The following RUBCN variants were observed in gnomAD, a reference collection of about 807,000 sequenced individuals.
RUBCN encodes the protein run domain Beclin-1-interacting and cysteine-rich domain-containing protein.
Under a neutral mutation model 113.2 loss-of-function variants are expected in RUBCN, and 74 were observed. That is an observed-to-expected ratio of 0.65 (90% CI 0.54 to 0.79). The LOEUF (loss-of-function observed/expected upper bound fraction) is 0.79, where lower values mean the gene tolerates loss of function less well. Among genes scored for constraint, RUBCN ranks in the 30% least tolerant of loss-of-function variants. The pLI is 0.00. For synonymous variants in RUBCN, 480 were observed against 490.0 expected (o/e 0.98, Z 0.27); for missense variants, 1,109 against 1,251.7 (o/e 0.89, Z 1.72).
intron 11 of RUBCN, among the ~76,000 whole-genome samples, chr3:197,684,516 C>A (rs781252913): frequency 2.0e-4 from 30 of 152,010 alleles, no homozygotes; most frequent in Non-Finnish European, 3.8e-4. Context: ...AGACGAGCAT[C>A]CTAAGGCACA....
chr3:197,730,280 CT>C (rs1312713963), intron 1 of RUBCN, among the ~76,000 whole-genome samples: 3 of 152,158 alleles, frequency 2.0e-5, no homozygotes, highest in Non-Finnish European at 4.4e-5. Flanking sequence ...GGGCACATAA[CT>C]TAGGCCTGAC....
chr3:197,749,505 A>T (rs1165109125), exon 1 of RUBCN: 1 of 1,287,268 alleles, frequency 7.8e-7, no homozygotes, highest in African/African-American at 1.5e-5. Flanking sequence ...TGCAATCTAC[A>T]CTCGCAGGGG....
At chr3:197,686,687 G>A (rs998106409) in intron 11 of RUBCN, among the ~76,000 whole-genome samples, 4 of 152,214 alleles carry the variant, frequency 2.6e-5, no homozygotes, top group Non-Finnish European at 4.4e-5. Context: ...TGGATTCAAC[G>A]TGTCCCAAGT....
chr3:197,676,713 T>C (rs1720473153), intron 18 of RUBCN, 172 bp downstream of exon 18: 1 of 1,473,898 alleles, frequency 6.8e-7, no homozygotes, highest in African/African-American at 1.4e-5. Flanking sequence ...TAGATCAGGA[T>C]GATTTGGCTG....
In RUBCN at chr3:197,703,432, A is replaced by G. The variant is rs9840032; in HGVS notation, c.570+116T>C. The G allele has an allele frequency of 7.6e-4, 333 of 440,080 alleles. 4 individuals carry two copies. The highest frequency in any genetic ancestry group is 7.6e-3 in the African/African-American group (307 of 40,608). 27.3% of individuals were successfully genotyped at this position (440,080 alleles called of 1,614,324 possible). On this transcript the variant is annotated intron_variant, in intron 5 of 19. Transcript: ENST00000296343. ...AAAAAAAAAAAAAAAAAAAAAAAAAATGCAAGCCTTTCAGCTCACAAAAAT... is the reference window on the plus strand; with the variant it reads ...AAAAAAAAAAAAAAAAAAAAAAAAAGTGCAAGCCTTTCAGCTCACAAAAAT...
At position 197,675,234 on chromosome 3, in the gene RUBCN, A is replaced by G. The variant is rs766537672; in HGVS notation, c.2741-38T>C. On this transcript the variant is annotated intron_variant, in intron 19 of 19. Coordinates refer to ENST00000296343, the MANE Select transcript of RUBCN (RefSeq NM_014687.4). This position sits in a 1 kb window ranked among gnomAD's most constrained non-coding sequence, Gnocchi z 4.4. ...GGAAGGTGGGGGAGAGAAGAAAACA[A>G]TTTGTATTATCTCCAGCTAGAGGTC... is the stretch of plus-strand genomic sequence containing the variant. The G allele has an allele frequency of 2.5e-6, 4 of 1,608,190 alleles. No individual in the cohort carries two copies. Among genetic ancestry groups the G allele is most frequent in the Non-Finnish European group, 3.4e-6 (4 of 1,174,880 alleles).
rs565965189 is a variant in RUBCN, at chr3:197,725,296, T to C, written c.66-7166A>G. ...GACTATCACATGTGTGTTTAATGTT[T>C]CTTCTTATCTGGCCATATATTTGCT... is the stretch of plus-strand genomic sequence containing the variant. On this transcript the variant is annotated intron_variant, in intron 1 of 19. Coordinates refer to ENST00000296343, the MANE Select transcript of RUBCN (RefSeq NM_014687.4). Among the ~76,000 whole-genome samples the C allele has an allele frequency of 5.3e-5, 8 of 152,110 alleles. No homozygotes were observed. In the East Asian group the frequency reaches 1.3e-3, roughly 26 times the overall value.
At chr3:197,720,024 TTCTG>T (rs554782156) in intron 1 of RUBCN, among the ~76,000 whole-genome samples, 117 of 152,312 alleles carry the variant, frequency 7.7e-4, no homozygotes, top group African/African-American at 2.6e-3. Flanking sequence ...AATGTACTCC[TTCTG>T]TCTAACTGTC....
Position 197,676,479 on chromosome 3 carries a change from A to G in RUBCN, c.2646+406T>C, listed in dbSNP as rs140950044. On this transcript the variant is annotated intron_variant, in intron 18 of 19. Transcript: ENST00000296343. ...CAGGCACCCGCCATCATGCCCGGCT[A>G]ATTTCTGTATTTTAGTAGAGATGGG... The G allele has an allele frequency of 5.9e-3, 3,656 of 622,414 alleles. 26 individuals are homozygous for G. The highest frequency in any genetic ancestry group is 0.019 in the South Asian group (475 of 25,330). The allele number at this position is 622,414 out of a possible 1,614,324, so 38.6% of individuals were successfully genotyped here.
chr3:197,745,034 C>T (rs1429029788), intron 1 of RUBCN, among the ~76,000 whole-genome samples: 4 of 151,984 alleles, frequency 2.6e-5, no homozygotes, highest in African/African-American at 7.3e-5. Context: ...CACCTGTAAT[C>T]CCAGCACTTT....
rs1722941598 is a variant in RUBCN at position 197,695,849 on chromosome 3, G to C, written c.1473+17C>G. On this transcript the variant is annotated intron_variant, in intron 9 of 19. Transcript: ENST00000296343. ...CTCCCAACTCATGAGCTCTTCATGA[G>C]GCCCTCGATTTCCCACCTTTTCCAG... The C allele has an allele frequency of 6.2e-7, 1 of 1,610,724 alleles. No homozygotes were observed. Among genetic ancestry groups the C allele is most frequent in the East Asian group, 2.2e-5 (1 of 44,862 alleles).
chr3:197,735,867 G>A (rs2109013882), intron 1 of RUBCN, among the ~76,000 whole-genome samples: 2 of 152,262 alleles, frequency 1.3e-5, no homozygotes, highest in South Asian at 2.1e-4. Context: ...TGGAATTACA[G>A]GTGTGAGGCA....
At chr3:197,709,032 G>A (rs1724651670) in intron 2 of RUBCN, among the ~76,000 whole-genome samples, 1 of 152,140 alleles carries the variant, frequency 6.6e-6, no homozygotes, top group African/African-American at 2.4e-5. Flanking sequence ...ATATAAGAAA[G>A]ATGATACAGA....
intron 4 of RUBCN, 37 bp from the exon 5 acceptor site, chr3:197,703,691 T>G: frequency 2.2e-6 from 3 of 1,359,328 alleles, no homozygotes; most frequent in Non-Finnish European, 3.2e-6. Flanking sequence ...ATAGAGCCCA[T>G]CAGGGAGGCC....
upstream of RUBCN, among the ~76,000 whole-genome samples, chr3:197,741,597 G>A (rs1379303082): frequency 3.3e-5 from 5 of 152,156 alleles, no homozygotes; most frequent in Non-Finnish European, 4.4e-5. Context: ...TTGGGAGGCC[G>A]AGGTGGGAGG....
intron 16 of RUBCN, among the ~76,000 whole-genome samples, chr3:197,680,602 G>A (rs989715496): frequency 1.3e-4 from 20 of 152,200 alleles, no homozygotes; most frequent in East Asian, 5.8e-4. Flanking sequence ...GCTCTAACTT[G>A]CTCTAACTCA....
At position 197,688,111 on chromosome 3, in the gene RUBCN, C is replaced by A. The variant is rs573087734; in HGVS notation, c.1787-3894G>T. Among the ~76,000 whole-genome samples the A allele has an allele frequency of 3.9e-5, 6 of 152,286 alleles. No individual in the cohort carries two copies. The South Asian group carries it at 1.2e-3, about 32-fold the overall frequency. On this transcript the variant is annotated intron_variant, in intron 11 of 19. Transcript: ENST00000296343. ...GCATGATCTCGGCTCACTGCAACCT[C>A]CACCTCCCAGGTTCAAGCAATTCTC... is the stretch of plus-strand genomic sequence containing the variant.
At chr3:197,743,813 G>A (rs1358477510) in intron 1 of RUBCN, among the ~76,000 whole-genome samples, 1 of 151,908 alleles carries the variant, frequency 6.6e-6, no homozygotes, top group Non-Finnish European at 1.5e-5. Context: ...GTGAAACCCC[G>A]TCTCTACTAA....
At position 197,712,400 on chromosome 3, in the gene RUBCN, T is replaced by C. The variant is rs114371599; in HGVS notation, c.219+5577A>G. 9.3e-3 allele frequency among the ~76,000 whole-genome samples: 1,424 copies of C among 152,322 alleles called. 15 individuals carry two copies. Among genetic ancestry groups the C allele is most frequent in the South Asian group, 0.043 (206 of 4,826 alleles). ...TCCTCCTGAGAGCCCAGAGGGGACA[T>C]GAGCAGCATGAATCACTGTATCAGC... On this transcript the variant is annotated intron_variant, in intron 2 of 19. Transcript: ENST00000296343.
Sources: gnomAD v4.1 joint callset for allele counts (sites outside exome capture counted in the v4.1 genomes callset) on GRCh38, gnomAD v4.1.1 for gene constraint, Gnocchi (gnomAD v3.1) non-coding constraint, MANE v1.5 for transcripts, NCBI Gene and HGNC (gene_info 2026-07-23, HGNC 2026-07-21) for gene names.